LUZP2: variants seen among roughly 807,000 people sequenced by gnomAD.
The protein encoded by LUZP2 is leucine zipper protein 2.
In LUZP2, 52 loss-of-function variants were observed where a neutral mutation model predicts 51.6. That is an observed-to-expected ratio of 1.01 (90% CI 0.81 to 1.27). The LOEUF (loss-of-function observed/expected upper bound fraction) is 1.27, where lower values mean the gene tolerates loss of function less well. Ranked by LOEUF, LUZP2 falls within the 50% of genes most tolerant of loss-of-function variation. LUZP2 has a pLI of 0.00. For missense variants in LUZP2, 436 were observed against 395.4 expected (o/e 1.10, Z -0.87); for synonymous variants, 154 against 137.3 (o/e 1.12, Z -0.85).
At chr11:24,706,964 A>G (rs1857607321) in intron 1 of LUZP2, among the ~76,000 whole-genome samples, 1 of 150,842 alleles carries the variant, frequency 6.6e-6, no homozygotes. Flanking sequence ...TCATCTTTAC[A>G]CATCCAAATA....
chr11:24,991,402 A>G lies in LUZP2; in HGVS notation c.765+8109A>G, dbSNP rs1220046656. On this transcript the variant is annotated intron_variant, in intron 9 of 11. Transcript: ENST00000336930. The stretch of plus-strand genomic sequence containing the variant: ...TGTGTGTGTGTGTGTGTGTGTATAT[A>G]TATATATATATATATATTCCATCAT... Among the ~76,000 whole-genome samples the G allele has an allele frequency of 7.0e-3, 984 of 140,866 alleles. 11 individuals carry two copies. Among genetic ancestry groups the G allele is most frequent in the African/African-American group, 0.026 (925 of 35,642 alleles). 92.4% of individuals were successfully genotyped at this position (140,866 alleles called of 152,430 possible).
At chr11:24,806,350 G>A (rs893674823) in intron 5 of LUZP2, among the ~76,000 whole-genome samples, 2 of 152,210 alleles carry the variant, frequency 1.3e-5, no homozygotes, top group South Asian at 4.1e-4. Flanking sequence ...CACGGAATTT[G>A]GTATATGTTA....
At chr11:24,773,848 A>G (rs11822795) in intron 5 of LUZP2, among the ~76,000 whole-genome samples, 12,185 of 152,146 alleles carry the variant, frequency 0.08, 1,051 homozygotes, top group African/African-American at 0.22. Flanking sequence ...TCTCCCACTA[A>G]GGACTGTTAA....
intron 5 of LUZP2, among the ~76,000 whole-genome samples, chr11:24,779,852 A>T (rs1849036778): frequency 6.6e-6 from 1 of 152,126 alleles, no homozygotes; most frequent in Non-Finnish European, 1.5e-5. Context: ...TAGGGGAGGA[A>T]TTGATATGAA....
At chr11:24,923,790 C>A (rs1434824595) in intron 7 of LUZP2, among the ~76,000 whole-genome samples, 1 of 152,162 alleles carries the variant, frequency 6.6e-6, no homozygotes, top group South Asian at 2.1e-4. Flanking sequence ...TTGAAAGTCA[C>A]CCTGACAATG....
At chr11:24,858,348 G>C (rs974628050) in intron 5 of LUZP2, among the ~76,000 whole-genome samples, 1 of 151,922 alleles carries the variant, frequency 6.6e-6, no homozygotes, top group African/African-American at 2.4e-5. Context: ...CCACTATATT[G>C]AGAGATGCTA....
At chr11:24,576,847 G>C (rs1055287898) in intron 1 of LUZP2, among the ~76,000 whole-genome samples, 3 of 151,998 alleles carry the variant, frequency 2.0e-5, no homozygotes, top group African/African-American at 7.2e-5. Context: ...GAAATTGTTT[G>C]ACATATTAGA....
chr11:24,883,894 G>A (rs1022311695), intron 5 of LUZP2, among the ~76,000 whole-genome samples: 1 of 151,820 alleles, frequency 6.6e-6, no homozygotes, highest in Non-Finnish European at 1.5e-5. Context: ...AGTAGAATTC[G>A]GTTCTGTCAT....
Position 25,002,964 on chromosome 11 carries a change from C to T in LUZP2, c.765+19671C>T, listed in dbSNP as rs142048565. Among the ~76,000 whole-genome samples the T allele has an allele frequency of 3.6e-3, 553 of 152,192 alleles. 5 individuals carry two copies. The Middle Eastern group carries it at 0.061, about 17-fold the overall frequency. On this transcript the variant is annotated intron_variant, in intron 9 of 11. Transcript: ENST00000336930. ...CAAAAGCCAGTGATTCCAAGAAACC[C>T]CTGCAAATGTTTTAATGTCTTAGGG... is the stretch of plus-strand genomic sequence containing the variant.
chr11:25,009,006 A>T (rs892308249), intron 9 of LUZP2, among the ~76,000 whole-genome samples: 4 of 152,114 alleles, frequency 2.6e-5, no homozygotes, highest in Non-Finnish European at 5.9e-5. Context: ...ACAGGGGACC[A>T]CTCCTTTGTC....
chr11:24,624,267 T>G (rs1854604412), intron 1 of LUZP2, among the ~76,000 whole-genome samples: 1 of 152,168 alleles, frequency 6.6e-6, no homozygotes, highest in African/African-American at 2.4e-5. Context: ...TAACTAATAG[T>G]GAACAATAGT....
chr11:24,744,275 C>G (rs1019653177), intron 4 of LUZP2, among the ~76,000 whole-genome samples: 5 of 152,076 alleles, frequency 3.3e-5, no homozygotes, highest in South Asian at 2.1e-4. Context: ...GGCATAGTGC[C>G]AAAAGGATTG....
intron 5 of LUZP2, among the ~76,000 whole-genome samples, chr11:24,775,414 G>T (rs1351517312): frequency 1.3e-5 from 2 of 152,108 alleles, no homozygotes; most frequent in African/African-American, 4.8e-5. Context: ...GTTATAAAGA[G>T]ACATTGGGAC....
At chr11:24,737,259 T>C (rs944615010) in intron 3 of LUZP2, among the ~76,000 whole-genome samples, 2 of 152,122 alleles carry the variant, frequency 1.3e-5, no homozygotes, top group Admixed American at 6.6e-5. Flanking sequence ...CCCTTGTTTT[T>C]GGATGAAGAA....
chr11:25,066,278 A>G, intron 10 of LUZP2, among the ~76,000 whole-genome samples: 1 of 151,964 alleles, frequency 6.6e-6, no homozygotes, highest in East Asian at 1.9e-4. Context: ...TGATGGTCTC[A>G]GTGGAAAGGG....
At chr11:24,910,201 G>T (rs117371805) in intron 6 of LUZP2, among the ~76,000 whole-genome samples, 4 of 152,200 alleles carry the variant, frequency 2.6e-5, no homozygotes, top group Admixed American at 2.6e-4. Flanking sequence ...GTGTTCAAGA[G>T]GAAGTGGAGC....
At chr11:24,913,974 T>A (rs1272116208) in intron 6 of LUZP2, among the ~76,000 whole-genome samples, 3 of 152,276 alleles carry the variant, frequency 2.0e-5, no homozygotes, top group Non-Finnish European at 2.9e-5. Context: ...AAAAATGTAT[T>A]GCTCTAAAAT....
intron 5 of LUZP2, among the ~76,000 whole-genome samples, chr11:24,847,692 C>T (rs898903322): frequency 2.0e-5 from 3 of 152,130 alleles, no homozygotes; most frequent in African/African-American, 7.2e-5. Context: ...CCTTAGCATT[C>T]GTTGATGAAT....
intron 5 of LUZP2, among the ~76,000 whole-genome samples, chr11:24,849,012 C>T (rs1463699876): frequency 6.6e-6 from 1 of 152,124 alleles, no homozygotes; most frequent in Non-Finnish European, 1.5e-5. Flanking sequence ...AGCCATCTCT[C>T]TACAAACATG....
Sources: gnomAD v4.1 joint callset for allele counts (sites outside exome capture counted in the v4.1 genomes callset) on GRCh38, gnomAD v4.1.1 for gene constraint, MANE v1.5 for transcripts, NCBI Gene and HGNC (gene_info 2026-07-23, HGNC 2026-07-21) for gene names.